The following WBP2NL variants were observed in gnomAD, a reference collection of about 807,000 sequenced individuals.
The protein encoded by WBP2NL is WBP2 N-terminal like, also known as postacrosomal sheath WW domain-binding protein.
Under a neutral mutation model 23.3 loss-of-function variants are expected in WBP2NL, and 27 were observed. That is an observed-to-expected ratio of 1.16 (90% CI 0.85 to 1.60). WBP2NL has a LOEUF of 1.60. Ranked by LOEUF, WBP2NL falls within the 40% of genes most tolerant of loss-of-function variation. WBP2NL has a pLI of 0.00. For synonymous variants in WBP2NL, 151 were observed against 145.9 expected (o/e 1.03, Z -0.25); for missense variants, 370 against 389.5 (o/e 0.95, Z 0.42).
At chr22:42,052,900 AT>A (rs1925886503) in intron 8 of WBP2NL, among the ~76,000 whole-genome samples, 1 of 152,202 alleles carries the variant, frequency 6.6e-6, no homozygotes, top group African/African-American at 2.4e-5. Flanking sequence ...GCCATGTGTT[AT>A]TTGTACAGAA....
chr22:42,020,129 T>C (rs755074695), intron 4 of WBP2NL, 33 bp downstream of exon 4: 6 of 1,576,588 alleles, frequency 3.8e-6, no homozygotes, highest in South Asian at 3.5e-5. Flanking sequence ...TTAAGCACTT[T>C]GGGGTTTTTT....
chr22:42,020,663 G>C (rs545723506), intron 4 of WBP2NL, among the ~76,000 whole-genome samples: 1 of 150,238 alleles, frequency 6.7e-6, no homozygotes, highest in Admixed American at 6.6e-5. Flanking sequence ...GGAGCCCTTA[G>C]TTATTCTTTC....
intron 1 of WBP2NL, among the ~76,000 whole-genome samples, chr22:41,999,285 T>C (rs1921308326): frequency 6.6e-6 from 1 of 152,170 alleles, no homozygotes; most frequent in Non-Finnish European, 1.5e-5. Flanking sequence ...CTTTGTTGGA[T>C]GAGGACAGGT....
At position 42,027,390 on chromosome 22, in the gene WBP2NL, A is replaced by G. The variant is rs17002808; in HGVS notation, c.*209A>G. 10,805 of 593,624 alleles carry G rather than the reference A, an allele frequency of 0.018. 873 individuals are homozygous for G. The highest frequency in any genetic ancestry group is 0.17 in the African/African-American group (9,382 of 54,054). The allele number at this position is 593,624 out of a possible 1,614,324, so 36.8% of individuals were successfully genotyped here. A position where few individuals can be genotyped will look rare whatever the true frequency, so the allele number is the denominator to read the frequency against. ...AGAATCAACTCTTAAATAGCTGGCT[A>G]AAGGAAGAATACCATTGTGGGGCTA... On this transcript the variant is annotated 3_prime_UTR_variant, in exon 6 of 6. Coordinates refer to ENST00000328823, the MANE Select transcript of WBP2NL (RefSeq NM_152613.3).
At chr22:42,054,035 T>A (rs765743335) in intron 8 of WBP2NL, among the ~76,000 whole-genome samples, 61 of 152,144 alleles carry the variant, frequency 4.0e-4, no homozygotes, top group Admixed American at 1.2e-3. Flanking sequence ...CAAGTGATCC[T>A]CCCATCCCAG....
Position 42,026,747 on chromosome 22 carries a change from C to T in WBP2NL, c.515-19C>T. On this transcript the variant is annotated intron_variant, in intron 5 of 5. Transcript: ENST00000328823. Reference sequence around the variant, plus strand: ...ACTTAAAGGTAACTGAATTTTTTTCCTTCCATTATAATTCCCAGTTATTGT... The same window carrying T: ...ACTTAAAGGTAACTGAATTTTTTTCTTTCCATTATAATTCCCAGTTATTGT... 1 of 1,597,250 alleles carries T rather than the reference C, an allele frequency of 6.3e-7. No individual in the cohort carries two copies. Among genetic ancestry groups the T allele is most frequent in the Non-Finnish European group, 8.5e-7 (1 of 1,172,398 alleles).
rs1272472012 is a variant in WBP2NL, at chr22:42,027,288, G to T, written c.*107G>T. On this transcript the variant is annotated 3_prime_UTR_variant, in exon 6 of 6. Coordinates refer to ENST00000328823, the MANE Select transcript of WBP2NL (RefSeq NM_152613.3). ...GTATGTGATCACAGGCTTCTCGCAG[G>T]TAGTTGTTCCACCCTTTGGAAGGGC... is the stretch of plus-strand genomic sequence containing the variant. 1 of 1,406,556 alleles carries T rather than the reference G, an allele frequency of 7.1e-7. No individual in the cohort carries two copies. Among genetic ancestry groups the T allele is most frequent in the African/African-American group, 1.4e-5 (1 of 69,358 alleles). 87.1% of individuals were successfully genotyped at this position (1,406,556 alleles called of 1,614,324 possible).
At chr22:42,046,923 C>T (rs1283441377) in intron 8 of WBP2NL, among the ~76,000 whole-genome samples, 1 of 152,148 alleles carries the variant, frequency 6.6e-6, no homozygotes, top group Non-Finnish European at 1.5e-5. Context: ...ACAACATATA[C>T]ACTCCTAAAT....
chr22:42,005,635 A>ACACAT (rs1401208037), intron 1 of WBP2NL, among the ~76,000 whole-genome samples: 1 of 152,242 alleles, frequency 6.6e-6, no homozygotes, highest in Non-Finnish European at 1.5e-5. Context: ...TTGACAGCAG[A>ACACAT]AACAATAACC....
chr22:42,053,132 TTTCAAGG>T (rs1361193432), intron 8 of WBP2NL, among the ~76,000 whole-genome samples: 1 of 152,218 alleles, frequency 6.6e-6, no homozygotes, highest in African/African-American at 2.4e-5. Context: ...AGCATAAAGT[TTTCAAGG>T]TTCAACCGTG....
chr22:42,026,333 C>A (rs1460997022), intron 5 of WBP2NL, among the ~76,000 whole-genome samples: 1 of 150,148 alleles, frequency 6.7e-6, no homozygotes, highest in Non-Finnish European at 1.5e-5. Context: ...CTGATATGAT[C>A]ATGATTATAT....
At chr22:42,000,637 T>C (rs1404090976) in intron 1 of WBP2NL, among the ~76,000 whole-genome samples, 2 of 152,226 alleles carry the variant, frequency 1.3e-5, no homozygotes, top group East Asian at 1.9e-4. Flanking sequence ...CTGTCAAGAA[T>C]GCTCAAGATA....
In WBP2NL at chr22:42,019,851, C is replaced by G. The variant is rs984607655; in HGVS notation, c.313+48C>G. Reference sequence around the variant, plus strand: ...GTATTTTTTTTTCCCTCAAAATCTTCTAAAAGGTTTAAGATTCAAACTTGG... The same window carrying G: ...GTATTTTTTTTTCCCTCAAAATCTTGTAAAAGGTTTAAGATTCAAACTTGG... On this transcript the variant is annotated intron_variant, in intron 3 of 5. Coordinates refer to ENST00000328823, the MANE Select transcript of WBP2NL (RefSeq NM_152613.3). 4 of 1,608,260 alleles carry G rather than the reference C, an allele frequency of 2.5e-6. No homozygotes were observed. The African/African-American group carries it at 4.0e-5, about 16-fold the overall frequency.
intron 1 of WBP2NL, among the ~76,000 whole-genome samples, chr22:42,008,330 C>G (rs1039922579): frequency 6.6e-5 from 10 of 151,768 alleles, no homozygotes; most frequent in Admixed American, 5.3e-4. Flanking sequence ...TGCCCTCAGC[C>G]TCCTGAGTAG....
At chr22:42,004,315 T>A (rs151125040) in intron 1 of WBP2NL, among the ~76,000 whole-genome samples, 1 of 151,984 alleles carries the variant, frequency 6.6e-6, no homozygotes, top group Non-Finnish European at 1.5e-5. Flanking sequence ...GAACAAGGGC[T>A]GGGTGCAGTG....
chr22:42,004,838 C>A (rs1050070879), intron 1 of WBP2NL, among the ~76,000 whole-genome samples: 1 of 152,080 alleles, frequency 6.6e-6, no homozygotes, highest in East Asian at 1.9e-4. Context: ...GCAGGAGAAT[C>A]GCTTGAACCT....
At position 42,027,419 on chromosome 22, in the gene WBP2NL, C is replaced by G. The variant is rs1276851187; in HGVS notation, c.*238C>G. 1 of 498,144 alleles carries G rather than the reference C, an allele frequency of 2.0e-6. No individual in the cohort carries two copies. Among genetic ancestry groups the G allele is most frequent in the Non-Finnish European group, 3.4e-6 (1 of 297,616 alleles). The allele number at this position is 498,144 out of a possible 1,614,324, so 30.9% of individuals were successfully genotyped here. A position where few individuals can be genotyped will look rare whatever the true frequency, so the allele number is the denominator to read the frequency against. ...GAAGAATACCATTGTGGGGCTAATT[C>G]CCCAGTAATTTGGTTGACATTGGGT... is the stretch of plus-strand genomic sequence containing the variant. On this transcript the variant is annotated 3_prime_UTR_variant, in exon 6 of 6. Transcript: ENST00000328823.
intron 8 of WBP2NL, among the ~76,000 whole-genome samples, chr22:42,056,987 TTCTG>T (rs1926060941): frequency 6.6e-6 from 1 of 152,212 alleles, no homozygotes; most frequent in Non-Finnish European, 1.5e-5. Context: ...TCTTTCAAAA[TTCTG>T]TCTTTTGAGG....
intron 1 of WBP2NL, 54 bp downstream of exon 1, chr22:41,998,934 G>A (rs1602430047): frequency 6.5e-7 from 1 of 1,546,748 alleles, no homozygotes; most frequent in Non-Finnish European, 8.8e-7. Flanking sequence ...GAATGAGATA[G>A]ACATGGCGGC....
Sources: allele counts gnomAD v4.1 joint callset (sites outside exome capture counted in the v4.1 genomes callset), GRCh38; gene constraint gnomAD v4.1.1; transcripts MANE v1.5; gene names NCBI Gene and HGNC (gene_info 2026-07-23, HGNC 2026-07-21).